The following LINC00632 variants were observed in gnomAD, a reference collection of about 807,000 sequenced individuals.
LINC00632 encodes the protein long independently transcribed non-coding RNA 632, also known as ALDOA related specific transcript.
intron 2 of LINC00632, among the ~76,000 whole-genome samples, chrX:140,718,948 CTCACT>C (rs1384217731): frequency 9.0e-6 from 1 of 111,546 alleles, no homozygotes; most frequent in Non-Finnish European, 1.9e-5. Flanking sequence ...ACACAAGGAA[CTCACT>C]TCAAAATCTC....
chrX:140,773,419 G>C lies in LINC00632; in HGVS notation n.1533G>C, dbSNP rs144205151. ...CTTGCACATCTATTGCAAAGCATGAGAAAAGGACCAGAGGCTTCAAGCCTG... is the reference window on the plus strand; with the variant it reads ...CTTGCACATCTATTGCAAAGCATGACAAAAGGACCAGAGGCTTCAAGCCTG... On this transcript the variant is annotated non_coding_transcript_exon_variant, in exon 4 of 5. Transcript: ENST00000648200. Among the ~76,000 whole-genome samples, 138 of 112,530 alleles carry C rather than the reference G, an allele frequency of 1.2e-3. 4 individuals are homozygous for C. The East Asian group carries it at 0.036, about 30-fold the overall frequency.
intron 2 of LINC00632, among the ~76,000 whole-genome samples, chrX:140,727,692 C>T (rs73590148): frequency 0.047 from 5,280 of 111,768 alleles, 331 homozygotes; most frequent in African/African-American, 0.16. Context: ...GCCTGAAGAG[C>T]CAGTCATGTA....
chrX:140,725,561 A>G (rs1930946622), intron 2 of LINC00632, among the ~76,000 whole-genome samples: 1 of 112,153 alleles, frequency 8.9e-6, no homozygotes, highest in South Asian at 3.7e-4. Context: ...TATGCACATT[A>G]ACCCAACGAA....
exon 5 of LINC00632, chrX:140,784,581 G>C (rs1931989509): frequency 2.1e-6 from 1 of 466,332 alleles, no homozygotes. Flanking sequence ...CCATCAACTG[G>C]CTCAATATCC....
chrX:140,788,937 T>C (rs1932066606), exon 5 of LINC00632, among the ~76,000 whole-genome samples: 1 of 103,836 alleles, frequency 9.6e-6, no homozygotes, highest in African/African-American at 3.5e-5. Context: ...GTGTGTGTTT[T>C]ATAGGGTGGG....
chrX:140,788,814 CTA>C (rs1491223094), exon 5 of LINC00632, among the ~76,000 whole-genome samples: 28 of 66,000 alleles, frequency 4.2e-4, no homozygotes, highest in African/African-American at 1.7e-3. Flanking sequence ...ATATATGTAT[CTA>C]TATTCCATAT....
At position 140,754,069 on chromosome X, in the gene LINC00632, C is replaced by T. The variant is rs574285321; in HGVS notation, n.192-18009C>T. 2.4e-4 allele frequency among the ~76,000 whole-genome samples: 27 copies of T among 111,759 alleles called. No individual in the cohort carries two copies. In the South Asian group the frequency reaches 8.9e-3, roughly 37 times the overall value. ...GATTACAAGCGCGGGCCACCGCGTC[C>T]GGCTAGCTCCTATATTTCTATTGGA... is the stretch of plus-strand genomic sequence containing the variant. On this transcript the variant is annotated intron_variant and non_coding_transcript_variant, in intron 3 of 4. Coordinates refer to ENST00000648200, the Ensembl canonical transcript of LINC00632.
chrX:140,747,325 C>T (rs1360471448), intron 3 of LINC00632, among the ~76,000 whole-genome samples: 1 of 110,025 alleles, frequency 9.1e-6, no homozygotes, highest in African/African-American at 3.3e-5. Context: ...GTCAGGAGCT[C>T]GAGACCAGCC....
chrX:140,740,592 C>A (rs1437624062), intron 3 of LINC00632, among the ~76,000 whole-genome samples: 1 of 109,955 alleles, frequency 9.1e-6, no homozygotes, highest in Non-Finnish European at 1.9e-5. Context: ...GACCTGTTTT[C>A]TCTCTTGTCC....
intron 3 of LINC00632, among the ~76,000 whole-genome samples, chrX:140,765,170 C>G (rs1931666401): frequency 8.9e-6 from 1 of 112,034 alleles, no homozygotes; most frequent in Non-Finnish European, 1.9e-5. Flanking sequence ...CTAATCAACT[C>G]TGAAGTGATT....
intron 2 of LINC00632, among the ~76,000 whole-genome samples, chrX:140,728,941 CACA>C (rs773075947): frequency 1.1e-3 from 122 of 110,984 alleles, no homozygotes; most frequent in Non-Finnish European, 1.8e-3. Context: ...CGTGACAATT[CACA>C]ACAAGCATCA....
At chrX:140,759,121 T>C (rs779419980) in intron 3 of LINC00632, among the ~76,000 whole-genome samples, 3 of 105,209 alleles carry the variant, frequency 2.9e-5, no homozygotes, top group Non-Finnish European at 5.8e-5. Flanking sequence ...TGTGCCACCA[T>C]GCCCAGTTAA....
chrX:140,755,397 T>A (rs994703149), intron 3 of LINC00632, among the ~76,000 whole-genome samples: 1 of 112,240 alleles, frequency 8.9e-6, no homozygotes, highest in Non-Finnish European at 1.9e-5. Flanking sequence ...GTGTATTCGT[T>A]GTTTGAGTTG....
At chrX:140,730,909 T>TC (rs1474706021) in intron 2 of LINC00632, among the ~76,000 whole-genome samples, 2 of 104,607 alleles carry the variant, frequency 1.9e-5, no homozygotes, top group African/African-American at 6.9e-5. Flanking sequence ...TCTTTCTTTC[T>TC]TTTTTTTTTT....
exon 5 of LINC00632, among the ~76,000 whole-genome samples, chrX:140,776,939 A>C: frequency 9.0e-6 from 1 of 110,961 alleles, no homozygotes; most frequent in East Asian, 2.8e-4. Flanking sequence ...CACATATACA[A>C]CATGGAATAT....
At chrX:140,776,222 G>A (rs1469022765) in exon 5 of LINC00632, among the ~76,000 whole-genome samples, 1 of 112,405 alleles carries the variant, frequency 8.9e-6, no homozygotes, top group Non-Finnish European at 1.9e-5. Context: ...ACCACAATGA[G>A]AGCCAGACTG....
exon 5 of LINC00632, among the ~76,000 whole-genome samples, chrX:140,790,290 G>T (rs1318173288): frequency 9.4e-6 from 1 of 106,319 alleles, no homozygotes; most frequent in Non-Finnish European, 2.0e-5. Context: ...TTTTTTTTCA[G>T]AAGAGAGAGT....
Position 140,718,666 on chromosome X carries a change from C to T in LINC00632, n.104+7010C>T, listed in dbSNP as rs376308695. On this transcript the variant is annotated intron_variant and non_coding_transcript_variant, in intron 2 of 4. Transcript: ENST00000648200. Reference sequence around the variant, plus strand: ...CCTCAGGTGATCCACCCATCTCTGTCTCCCAAAGTGCTGGGATTACAGGCA... The same window carrying T: ...CCTCAGGTGATCCACCCATCTCTGTTTCCCAAAGTGCTGGGATTACAGGCA... Among the ~76,000 whole-genome samples the T allele has an allele frequency of 6.3e-5, 7 of 111,701 alleles. No individual in the cohort carries two copies. The East Asian group carries it at 1.1e-3, about 18-fold the overall frequency.
intron 2 of LINC00632, among the ~76,000 whole-genome samples, chrX:140,733,381 T>C (rs914844037): frequency 1.8e-5 from 2 of 111,083 alleles, no homozygotes; most frequent in Non-Finnish European, 3.8e-5. Flanking sequence ...AATGCATGTC[T>C]ATTGAAGTTA....
Sources: allele counts gnomAD v4.1 joint callset (sites outside exome capture counted in the v4.1 genomes callset), GRCh38; gene constraint gnomAD v4.1.1; transcripts MANE v1.5; gene names NCBI Gene and HGNC (gene_info 2026-07-23, HGNC 2026-07-21).